RBFOX1: variants seen among roughly 807,000 people sequenced by gnomAD.
The protein encoded by RBFOX1 is RNA binding protein fox-1 homolog 1.
RBFOX1 carries 8 observed loss-of-function variants against 57.7 expected under a neutral mutation model. That is an observed-to-expected ratio of 0.14 (90% confidence interval 0.08 to 0.25). RBFOX1 has a LOEUF of 0.25. Among genes scored for constraint, RBFOX1 ranks in the 10% least tolerant of loss-of-function variants. RBFOX1 has a pLI of 1.00. For synonymous variants in RBFOX1, 326 were observed against 222.4 expected (o/e 1.47, Z -4.15); for missense variants, 611 against 548.5 (o/e 1.11, Z -1.14).
chr16:7,492,831 A>G (rs898310196), intron 4 of RBFOX1, among the ~76,000 whole-genome samples: 48 of 152,026 alleles, frequency 3.2e-4, no homozygotes, highest in African/African-American at 1.2e-3. Context: ...TTCCACCGTG[A>G]GTAAAAGCTC....
intron 1 of RBFOX1, among the ~76,000 whole-genome samples, chr16:5,251,356 A>G (rs2062447115): frequency 6.6e-6 from 1 of 152,274 alleles, no homozygotes; most frequent in African/African-American, 2.4e-5. Context: ...CAGCACGTTC[A>G]CGGCGCCGGC....
chr16:5,700,111 C>T (rs558922212), intron 3 of RBFOX1, among the ~76,000 whole-genome samples: 6 of 152,158 alleles, frequency 3.9e-5, no homozygotes, highest in African/African-American at 7.2e-5. Flanking sequence ...GGATTACAGG[C>T]GTGAGCCACC....
At chr16:7,027,921 A>G (rs1427018127) in intron 3 of RBFOX1, among the ~76,000 whole-genome samples, 1 of 151,616 alleles carries the variant, frequency 6.6e-6, no homozygotes, top group Admixed American at 6.6e-5. Context: ...AAAAGAAGGG[A>G]AAAGAGAAGG....
chr16:6,342,664 A>G (rs1334962191), intron 2 of RBFOX1, among the ~76,000 whole-genome samples: 2 of 152,140 alleles, frequency 1.3e-5, no homozygotes, highest in African/African-American at 2.4e-5. Context: ...ATTCCTGTCC[A>G]TTTCTTCCAA....
intron 3 of RBFOX1, among the ~76,000 whole-genome samples, chr16:5,728,641 C>T (rs1383431429): frequency 2.0e-5 from 3 of 152,164 alleles, no homozygotes; most frequent in African/African-American, 7.2e-5. Flanking sequence ...CCTCTGGGTT[C>T]CTGGGATGAC....
chr16:6,968,297 G>A (rs2084746350), intron 3 of RBFOX1, among the ~76,000 whole-genome samples: 1 of 152,226 alleles, frequency 6.6e-6, no homozygotes, highest in African/African-American at 2.4e-5. Flanking sequence ...TTGAAAAGCA[G>A]CCTGGTGAAA....
At chr16:6,926,798 A>C (rs191948067) in intron 3 of RBFOX1, among the ~76,000 whole-genome samples, 9 of 152,324 alleles carry the variant, frequency 5.9e-5, no homozygotes, top group African/African-American at 1.7e-4. Context: ...AGTTCTTAAA[A>C]TTATCGTTTT....
chr16:6,862,328 A>T (rs950599956), intron 3 of RBFOX1, among the ~76,000 whole-genome samples: 1 of 152,132 alleles, frequency 6.6e-6, no homozygotes, highest in East Asian at 1.9e-4. Flanking sequence ...CTCACAGGCG[A>T]TGCTGATCGT....
At chr16:5,588,069 A>T (rs1168570809) in intron 2 of RBFOX1, among the ~76,000 whole-genome samples, 1 of 152,200 alleles carries the variant, frequency 6.6e-6, no homozygotes, top group East Asian at 1.9e-4. Flanking sequence ...ACTTGTTTGA[A>T]CCTTGGGAAC....
At chr16:7,329,926 A>G (rs949013906) in intron 4 of RBFOX1, among the ~76,000 whole-genome samples, 2 of 152,210 alleles carry the variant, frequency 1.3e-5, no homozygotes, top group Non-Finnish European at 2.9e-5. Context: ...ATAAGCATAT[A>G]TACACACAGT....
At chr16:5,949,907 G>C (rs143806210) in intron 4 of RBFOX1, among the ~76,000 whole-genome samples, 262 of 152,272 alleles carry the variant, frequency 1.7e-3, no homozygotes, top group Middle Eastern at 6.8e-3. Flanking sequence ...TAGAGTGTCT[G>C]TCTCATAATC....
At chr16:6,270,523 G>C (rs1415930175) in intron 1 of RBFOX1, among the ~76,000 whole-genome samples, 3 of 148,726 alleles carry the variant, frequency 2.0e-5, no homozygotes, top group Non-Finnish European at 4.4e-5. Context: ...TACAGTGTCA[G>C]TCCAACAAGA....
At chr16:7,605,852 T>C (rs1253413805) in intron 9 of RBFOX1, among the ~76,000 whole-genome samples, 1 of 152,196 alleles carries the variant, frequency 6.6e-6, no homozygotes, top group Non-Finnish European at 1.5e-5. Context: ...TTTTTTTTAC[T>C]TCTTGAGACA....
At position 6,771,471 on chromosome 16, in the gene RBFOX1, G is replaced by A. The variant is rs146486013; in HGVS notation, c.-16+116821G>A. Among the ~76,000 whole-genome samples, 752 of 152,264 alleles carry A rather than the reference G, an allele frequency of 4.9e-3. 3 individuals are homozygous for A. Among genetic ancestry groups the A allele is most frequent in the Admixed American group, 8.5e-3 (130 of 15,292 alleles). ...CTTCTTAGATATGATCCAGATAGCA[G>A]AGAGACTTTCTGATGCCTAAGTCAG... On this transcript the variant is annotated intron_variant, in intron 3 of 15. Coordinates refer to ENST00000550418, the MANE Select transcript of RBFOX1 (RefSeq NM_018723.4).
At position 6,427,401 on chromosome 16, in the gene RBFOX1, A is replaced by G. The variant is rs78142297; in HGVS notation, c.-64+110344A>G. 8.0e-3 allele frequency among the ~76,000 whole-genome samples: 1,223 copies of G among 152,340 alleles called. 6 individuals are homozygous for G. The highest frequency in any genetic ancestry group is 0.031 in the Middle Eastern group (9 of 294). On this transcript the variant is annotated intron_variant, in intron 2 of 15. Transcript: ENST00000550418. ...ATTGTTGAAATATGGCTGGTGGTAC[A>G]GGGAGTAGTTCTGAACGCTGAGCAT...
intron 3 of RBFOX1, among the ~76,000 whole-genome samples, chr16:6,872,407 A>G (rs1392092939): frequency 6.6e-6 from 1 of 151,760 alleles, no homozygotes; most frequent in Non-Finnish European, 1.5e-5. Flanking sequence ...TCTTTTTTTA[A>G]TCGATCACCT....
chr16:5,442,544 T>C (rs1180821401), intron 1 of RBFOX1, among the ~76,000 whole-genome samples: 1 of 152,102 alleles, frequency 6.6e-6, no homozygotes, highest in East Asian at 1.9e-4. Context: ...GGCATGGCAG[T>C]GGGGAGAGAA....
At chr16:5,784,016 A>T (rs766158960) in intron 3 of RBFOX1, among the ~76,000 whole-genome samples, 1 of 152,206 alleles carries the variant, frequency 6.6e-6, no homozygotes, top group South Asian at 2.1e-4. Context: ...TAATTTATAA[A>T]TAAAAGAGGT....
intron 4 of RBFOX1, among the ~76,000 whole-genome samples, chr16:5,977,678 G>T (rs1005868654): frequency 1.3e-5 from 2 of 152,030 alleles, no homozygotes; most frequent in African/African-American, 4.8e-5. Flanking sequence ...TGGAAAACAG[G>T]CTCAGTTGTC....
Sources: allele counts gnomAD v4.1 joint callset (sites outside exome capture counted in the v4.1 genomes callset), GRCh38; gene constraint gnomAD v4.1.1; transcripts MANE v1.5; gene names NCBI Gene and HGNC (gene_info 2026-07-23, HGNC 2026-07-21).